Variants in ZNF695 observed in about 807,000 individuals in gnomAD.
ZNF695 encodes the protein zinc finger protein SBZF3.
In ZNF695, 11 loss-of-function variants were observed where a neutral mutation model predicts 11.2. The observed-to-expected ratio is 0.98, with a 90% CI of 0.62 to 1.62. The LOEUF (loss-of-function observed/expected upper bound fraction) is 1.62. ZNF695 is among the 40% of genes most tolerant of loss of function. The pLI is 0.00. For missense variants in ZNF695, 559 were observed against 590.5 expected, an observed-to-expected ratio of 0.95 and a Z score of 0.55; for synonymous variants, 190 against 201.4, an observed-to-expected ratio of 0.94 and a Z score of 0.48.
At chr1:246,981,705 T>C (rs1328054320), downstream of ZNF695, among the ~76,000 whole-genome samples, 1 of 152,152 alleles carries the variant, frequency 6.6e-6, no homozygotes, top group East Asian at 1.9e-4. Context: ...CTGATGGTGA[T>C]GGTATAGAAA....
At position 246,985,381 on chromosome 1, in the gene ZNF695, A is replaced by G. The variant is rs1668820478; in HGVS notation, c.*1586T>C. 2.0e-6 allele frequency: 2 copies of G among 985,206 alleles called. No individual in the cohort carries two copies. Among genetic ancestry groups the G allele is most frequent in the South Asian group, 9.4e-5 (2 of 21,290 alleles). The allele number at this position is 985,206 out of a possible 1,614,324, so 61.0% of individuals were successfully genotyped here. A position where few individuals can be genotyped will look rare whatever the true frequency, so the allele number is the denominator to read the frequency against. On this transcript the variant is annotated 3_prime_UTR_variant, in exon 4 of 4. Transcript: ENST00000339986. ...CCTTAATAATGACACTGTCATTACA[A>G]AAAGAGCAAACAGAATGAAGGTGTA... is the stretch of plus-strand genomic sequence containing the variant.
chr1:246,998,473 G>C (rs1669268739), intron 3 of ZNF695, among the ~76,000 whole-genome samples: 1 of 152,160 alleles, frequency 6.6e-6, no homozygotes, highest in South Asian at 2.1e-4. Context: ...AACGACATTA[G>C]ATTTTCTGAT....
chr1:246,988,151 AT>A lies in ZNF695; in HGVS notation c.363del (p.Lys121AsnfsTer4), dbSNP rs1268000543. The A allele has an allele frequency of 3.1e-6, 5 of 1,613,730 alleles. No homozygotes were observed. Among genetic ancestry groups the A allele is most frequent in the Admixed American group, 1.7e-5 (1 of 59,968 alleles). ...LRRYERCCLE[K>X]LRLRNDWEIV... ...ATTTCCCAGTCATTCCTTAAGCGTA[AT>A]TTCTCAAGACAACATCTTTCATATC... On this transcript the variant is annotated frameshift_variant, in exon 4 of 4. Coordinates refer to ENST00000339986, the MANE Select transcript of ZNF695 (RefSeq NM_020394.5). LOFTEE classifies it low-confidence loss of function (END_TRUNC).
intron 5 of ZNF695, among the ~76,000 whole-genome samples, chr1:246,959,298 A>T (rs1287853947): frequency 4.6e-5 from 3 of 64,662 alleles, no homozygotes; most frequent in African/African-American, 7.1e-5. Flanking sequence ...AAAAAAAAAA[A>T]AAAAAAAAAA....
At chr1:246,996,990 G>A (rs1295233771) in intron 3 of ZNF695, among the ~76,000 whole-genome samples, 1 of 152,156 alleles carries the variant, frequency 6.6e-6, no homozygotes, top group Admixed American at 6.6e-5. Flanking sequence ...CTGACAATGT[G>A]ATTGTTGCAT....
chr1:246,997,608 C>T (rs1669249721), intron 3 of ZNF695, among the ~76,000 whole-genome samples: 1 of 152,034 alleles, frequency 6.6e-6, no homozygotes. Context: ...AAATAAATAT[C>T]TGCATCCCCA....
intron 5 of ZNF695, chr1:246,966,712 G>T (rs1010372918): frequency 2.2e-6 from 1 of 452,380 alleles, no homozygotes; most frequent in Admixed American, 2.4e-5. Flanking sequence ...TTGACCCTGG[G>T]AGTTCAAGTT....
intron 1 of ZNF695, among the ~76,000 whole-genome samples, chr1:247,002,108 TA>T (rs912960033): frequency 1.8e-4 from 27 of 147,018 alleles, no homozygotes; most frequent in African/African-American, 4.7e-4. Flanking sequence ...ACCAACAAAT[TA>T]AAAAAAAAAC....
chr1:246,948,218 C>T (rs184096895), intron 5 of ZNF695, among the ~76,000 whole-genome samples: 3 of 151,990 alleles, frequency 2.0e-5, no homozygotes, highest in East Asian at 3.9e-4. Flanking sequence ...GGATTACAGG[C>T]ACTCACCACC....
At chr1:246,976,668 C>G (rs1176383581) in intron 4 of ZNF695, among the ~76,000 whole-genome samples, 1 of 151,924 alleles carries the variant, frequency 6.6e-6, no homozygotes, top group Non-Finnish European at 1.5e-5. Flanking sequence ...GTGGCGGGCA[C>G]CTGTAGTCCC....
Position 247,007,902 on chromosome 1 carries a change from T to C in ZNF695, c.3+4A>G. 6.5e-7 allele frequency: 1 copy of C among 1,534,066 alleles called. No individual in the cohort carries two copies. The highest frequency in any genetic ancestry group is 8.8e-7 in the Non-Finnish European group (1 of 1,133,970). Reference sequence around the variant, plus strand: ...TCTCGGGACACCCTGCTCCGCACACTCACCATTTCCCAGCTTTTGGGGGTC... The same window carrying C: ...TCTCGGGACACCCTGCTCCGCACACCCACCATTTCCCAGCTTTTGGGGGTC... On this transcript the variant is annotated splice_donor_region_variant and intron_variant, in intron 1 of 3. Transcript: ENST00000339986.
intron 5 of ZNF695, among the ~76,000 whole-genome samples, chr1:246,954,370 A>C (rs1667940369): frequency 6.6e-6 from 1 of 152,220 alleles, no homozygotes; most frequent in African/African-American, 2.4e-5. Flanking sequence ...AAAGGGTCCA[A>C]ACTGATCTTA....
At chr1:246,989,539 A>T (rs1174020319) in intron 3 of ZNF695, among the ~76,000 whole-genome samples, 1 of 136,104 alleles carries the variant, frequency 7.3e-6, no homozygotes, top group Non-Finnish European at 1.6e-5. Context: ...CACCTTCACT[A>T]AAGGAACATA....
chr1:246,964,646 G>A (rs1243073602), intron 5 of ZNF695, among the ~76,000 whole-genome samples: 3 of 152,118 alleles, frequency 2.0e-5, no homozygotes, highest in Non-Finnish European at 2.9e-5. Flanking sequence ...CAAGGCAGGT[G>A]GATCACTTGA....
intron 3 of ZNF695, among the ~76,000 whole-genome samples, chr1:246,992,985 A>C (rs1324307739): frequency 1.3e-5 from 2 of 152,226 alleles, no homozygotes; most frequent in Non-Finnish European, 2.9e-5. Flanking sequence ...ACTTTGACCG[A>C]CAGGTTGGTT....
intron 4 of ZNF695, among the ~76,000 whole-genome samples, chr1:246,976,801 T>A (rs1285401816): frequency 6.6e-6 from 1 of 151,794 alleles, no homozygotes. Context: ...CTCAAATAAA[T>A]AAATAAATAA....
chr1:246,965,300 T>C (rs531027035), intron 5 of ZNF695, among the ~76,000 whole-genome samples: 9 of 143,676 alleles, frequency 6.3e-5, no homozygotes, highest in Middle Eastern at 3.8e-3. Flanking sequence ...GAGCTTGCAG[T>C]GAGCCGAGAT....
In ZNF695 at chr1:246,985,614, T is replaced by G. The variant is rs1668827323; in HGVS notation, c.*1353A>C. 1 of 835,112 alleles carries G rather than the reference T, an allele frequency of 1.2e-6. No individual in the cohort carries two copies. Among genetic ancestry groups the G allele is most frequent in the South Asian group, 5.5e-5 (1 of 18,152 alleles). The allele number at this position is 835,112 out of a possible 1,614,324, so 51.7% of individuals were successfully genotyped here. ...GGTCCAAAGACATTAAAACAATGTCTTATTAAAACAAATTAAGTTCAAACA... is the reference window on the plus strand; with the variant it reads ...GGTCCAAAGACATTAAAACAATGTCGTATTAAAACAAATTAAGTTCAAACA... On this transcript the variant is annotated 3_prime_UTR_variant, in exon 4 of 4. Coordinates refer to ENST00000339986, the MANE Select transcript of ZNF695 (RefSeq NM_020394.5).
rs1404939707 is a variant in ZNF695 at position 247,000,092 on chromosome 1, T to C, written c.4-18A>G. The C allele has an allele frequency of 6.3e-7, 1 of 1,593,842 alleles. No individual in the cohort carries two copies. Among genetic ancestry groups the C allele is most frequent in the East Asian group, 2.2e-5 (1 of 44,650 alleles). ...AATAGTCCCTGAAAAAGAAAACATA[T>C]TTACCAAGTGGTCACGGCAGAGTTC... is the stretch of plus-strand genomic sequence containing the variant. On this transcript the variant is annotated intron_variant, in intron 1 of 3. Coordinates refer to ENST00000339986, the MANE Select transcript of ZNF695 (RefSeq NM_020394.5).
Sources: gnomAD v4.1 joint callset for allele counts (sites outside exome capture counted in the v4.1 genomes callset) on GRCh38, gnomAD v4.1.1 for gene constraint, MANE v1.5 for transcripts, NCBI Gene and HGNC (gene_info 2026-07-23, HGNC 2026-07-21) for gene names.